The following CERS3 variants were observed in gnomAD, a reference collection of about 807,000 sequenced individuals.
The protein encoded by CERS3 is ceramide synthase 3.
Under a neutral mutation model 50.3 loss-of-function variants are expected in CERS3, and 33 were observed. The ratio of observed to expected loss-of-function variants is 0.66; its 90% CI spans 0.50 to 0.88. The LOEUF is 0.88. Among genes scored for constraint, CERS3 ranks in the 40% least tolerant of loss-of-function variants. The pLI is 0.00. For missense variants in CERS3, 470 were observed against 460.3 expected, an observed-to-expected ratio of 1.02 and a Z score of -0.19; for synonymous variants, 176 against 155.2, an observed-to-expected ratio of 1.13 and a Z score of -0.99.
Position 100,414,819 on chromosome 15 carries a change from T to TAA in CERS3, c.1000-11956_1000-11955dup, listed in dbSNP as rs143114640. ...CCTTAAATGTAAAACCCAAAATGAT[T>TAA]AAAAAAAAAAAACCCTGGAAGAAAA... On this transcript the variant is annotated intron_variant, in intron 11 of 11. Transcript: ENST00000679737. Among the ~76,000 whole-genome samples the TAA allele has an allele frequency of 4.6e-3, 649 of 141,242 alleles. 6 individuals are homozygous for TAA. Among genetic ancestry groups the TAA allele is most frequent in the African/African-American group, 0.015 (587 of 38,228 alleles). The allele number at this position is 141,242 out of a possible 152,430, so 92.7% of individuals were successfully genotyped here. A position where few individuals can be genotyped will look rare whatever the true frequency, so the allele number is the denominator to read the frequency against.
chr15:100,538,565 G>A (rs2037127342), intron 1 of CERS3, among the ~76,000 whole-genome samples: 1 of 152,200 alleles, frequency 6.6e-6, no homozygotes, highest in African/African-American at 2.4e-5. Flanking sequence ...CAATGGCCTG[G>A]GCTCTATGTT....
intron 2 of CERS3, among the ~76,000 whole-genome samples, chr15:100,510,680 A>G (rs1221513664): frequency 2.0e-5 from 3 of 152,122 alleles, no homozygotes; most frequent in Admixed American, 6.6e-5. Context: ...GATTTGCATA[A>G]TCTCCCTAAA....
chr15:100,525,772 A>C (rs1330130047), intron 1 of CERS3, among the ~76,000 whole-genome samples: 1 of 152,212 alleles, frequency 6.6e-6, no homozygotes, highest in African/African-American at 2.4e-5. Flanking sequence ...ACAAATCTTA[A>C]GGCAGCACAT....
chr15:100,435,502 C>T (rs1179283928), intron 11 of CERS3, among the ~76,000 whole-genome samples: 2 of 152,186 alleles, frequency 1.3e-5, no homozygotes, highest in Non-Finnish European at 2.9e-5. Context: ...AAATGTAAAA[C>T]CTAAAACCAT....
At chr15:100,486,538 CCATGGACTACAAAT>C (rs2035491164) in intron 4 of CERS3, among the ~76,000 whole-genome samples, 1 of 152,208 alleles carries the variant, frequency 6.6e-6, no homozygotes, top group Admixed American at 6.5e-5. Context: ...AGAAAGGAAA[CCATGGACTACAAAT>C]CATTTAAGAA....
At chr15:100,497,284 CAG>C (rs1009155242) in intron 3 of CERS3, among the ~76,000 whole-genome samples, 3 of 150,280 alleles carry the variant, frequency 2.0e-5, no homozygotes, top group Non-Finnish European at 4.4e-5. Context: ...GAGACACACA[CAG>C]AGAGAGAGAG....
chr15:100,451,175 C>A (rs190217896), intron 11 of CERS3, among the ~76,000 whole-genome samples: 1 of 151,610 alleles, frequency 6.6e-6, no homozygotes, highest in Non-Finnish European at 1.5e-5. Context: ...GTTACCACTG[C>A]AGAAAACCAC....
At chr15:100,464,515 C>T (rs2034651951) in intron 10 of CERS3, among the ~76,000 whole-genome samples, 1 of 152,208 alleles carries the variant, frequency 6.6e-6, no homozygotes, top group Non-Finnish European at 1.5e-5. Context: ...CACACACCTT[C>T]CCTTCAGGTG....
chr15:100,544,584 G>A (rs2037311362), intron 1 of CERS3: 1 of 152,322 alleles, frequency 6.6e-6, no homozygotes, highest in Admixed American at 6.6e-5. Flanking sequence ...ACACCGCGGT[G>A]AGCAGGGCCC....
intron 11 of CERS3, among the ~76,000 whole-genome samples, chr15:100,430,126 C>A (rs2033040936): frequency 6.6e-6 from 1 of 151,912 alleles, no homozygotes; most frequent in Non-Finnish European, 1.5e-5. Context: ...TCCTGGCTAA[C>A]ACGGTGGAAC....
intron 11 of CERS3, among the ~76,000 whole-genome samples, chr15:100,406,017 A>G (rs1199095564): frequency 6.6e-6 from 1 of 152,178 alleles, no homozygotes; most frequent in African/African-American, 2.4e-5. Flanking sequence ...ACTCATTATG[A>G]GTTATATGTT....
At chr15:100,542,968 C>T (rs8030724) in intron 1 of CERS3, among the ~76,000 whole-genome samples, 59,300 of 151,922 alleles carry the variant, frequency 0.39, 12,269 homozygotes, top group South Asian at 0.45. Context: ...GGCCGGAGTG[C>T]AGTAGTAGGA....
intron 11 of CERS3, among the ~76,000 whole-genome samples, chr15:100,441,008 T>G (rs1228934022): frequency 1.3e-5 from 2 of 152,230 alleles, no homozygotes; most frequent in Non-Finnish European, 2.9e-5. Flanking sequence ...TTCACCCATG[T>G]TTCAAAGGTG....
intron 2 of CERS3, among the ~76,000 whole-genome samples, chr15:100,514,107 A>G (rs2036428372): frequency 6.6e-6 from 1 of 152,200 alleles, no homozygotes; most frequent in Non-Finnish European, 1.5e-5. Flanking sequence ...ATGGACAACT[A>G]GCATGACCTC....
At position 100,513,586 on chromosome 15, in the gene CERS3, G is replaced by A. The variant is rs1309002051; in HGVS notation, c.-2+8081C>T. 4.0e-5 allele frequency among the ~76,000 whole-genome samples: 6 copies of A among 149,300 alleles called. 1 individual carries two copies. The Middle Eastern group carries it at 0.017, about 432-fold the overall frequency. On this transcript the variant is annotated intron_variant, in intron 2 of 11. Transcript: ENST00000679737. ...AAGATCTTGCTCTGTCACCCAGGCT[G>A]GAGTTTAGTGGCATGATCATGGCTC...
intron 1 of CERS3, 46 bp downstream of exon 1, chr15:100,528,767 T>C (rs1387464604): frequency 6.6e-6 from 1 of 152,336 alleles, no homozygotes; most frequent in Non-Finnish European, 1.5e-5. Flanking sequence ...CCACCTTGGT[T>C]TTGAAAGTCC....
At chr15:100,491,380 C>T (rs892585603) in intron 3 of CERS3, among the ~76,000 whole-genome samples, 2 of 152,088 alleles carry the variant, frequency 1.3e-5, no homozygotes, top group African/African-American at 2.4e-5. Flanking sequence ...ATAGGATTGA[C>T]GGGTGGTAGG....
intron 11 of CERS3, among the ~76,000 whole-genome samples, chr15:100,443,172 A>G (rs1192919707): frequency 3.5e-5 from 5 of 144,286 alleles, no homozygotes; most frequent in African/African-American, 1.1e-4. Context: ...GTATCCCCCT[A>G]CCTTAACCCA....
rs901695465 is a variant in CERS3, at chr15:100,460,236, A to G, written c.846-4190T>C. Among the ~76,000 whole-genome samples, 19 of 152,186 alleles carry G rather than the reference A, an allele frequency of 1.2e-4. 3 individuals carry two copies. The highest frequency in any genetic ancestry group is 1.0e-3 in the Admixed American group (16 of 15,268). Reference sequence around the variant, plus strand: ...AAAGTTCTGGCTTTACTACTTAGATACCATGTCACTTATTTGTGCATTTCC... The same window carrying G: ...AAAGTTCTGGCTTTACTACTTAGATGCCATGTCACTTATTTGTGCATTTCC... On this transcript the variant is annotated intron_variant, in intron 10 of 11. Coordinates refer to ENST00000679737, the MANE Select transcript of CERS3 (RefSeq NM_001378789.1).
Sources: allele counts gnomAD v4.1 joint callset (sites outside exome capture counted in the v4.1 genomes callset), GRCh38; gene constraint gnomAD v4.1.1; transcripts MANE v1.5; gene names NCBI Gene and HGNC (gene_info 2026-07-23, HGNC 2026-07-21).